The following LARS2 variants were observed in gnomAD, a reference collection of about 807,000 sequenced individuals.
LARS2 encodes leucine--tRNA ligase, mitochondrial.
A neutral mutation model predicts 116.6 loss-of-function variants in LARS2; 81 were observed. That is an observed-to-expected ratio of 0.69 (90% CI 0.58 to 0.84). The LOEUF (loss-of-function observed/expected upper bound fraction) is 0.84. LARS2 is among the 40% of genes least tolerant of loss of function. The probability of loss-of-function intolerance (pLI) is 0.00; values close to 1 mark genes in which losing one functional copy is unlikely to be tolerated. For synonymous variants in LARS2, 396 were observed against 407.2 expected (o/e 0.97, Z 0.33); for missense variants, 968 against 1,114.5 (o/e 0.87, Z 1.87).
At chr3:45,480,981 G>A (rs1699689348) in intron 10 of LARS2, among the ~76,000 whole-genome samples, 1 of 152,096 alleles carries the variant, frequency 6.6e-6, no homozygotes, top group African/African-American at 2.4e-5. Context: ...CATCCCCACA[G>A]TCAATTTTAG....
At chr3:45,498,195 G>C (rs1259195243) in intron 14 of LARS2, among the ~76,000 whole-genome samples, 1 of 152,218 alleles carries the variant, frequency 6.6e-6, no homozygotes, top group South Asian at 2.1e-4. Context: ...TACCGTGGCG[G>C]GAGAGACATC....
chr3:45,448,716 C>T (rs971133569), intron 7 of LARS2, among the ~76,000 whole-genome samples: 3 of 152,264 alleles, frequency 2.0e-5, no homozygotes, highest in Non-Finnish European at 2.9e-5. Flanking sequence ...TTAACTGCAG[C>T]AGGAGCATGT....
intron 7 of LARS2, among the ~76,000 whole-genome samples, chr3:45,454,435 AAACT>A (rs147521487): frequency 0.57 from 86,565 of 151,666 alleles, 27,976 homozygotes; most frequent in East Asian, 0.7. Flanking sequence ...ATAAGTGGGG[AAACT>A]AACTACCTTC....
chr3:45,402,812 A>G (rs1405641583), intron 4 of LARS2, among the ~76,000 whole-genome samples: 1 of 152,136 alleles, frequency 6.6e-6, no homozygotes, highest in Admixed American at 6.5e-5. Context: ...TTTATTAGAA[A>G]GAGGTGGGAC....
intron 6 of LARS2, among the ~76,000 whole-genome samples, chr3:45,435,185 C>T (rs1054012923): frequency 2.6e-5 from 4 of 152,160 alleles, no homozygotes; most frequent in Non-Finnish European, 4.4e-5. Context: ...CCTCTCCATT[C>T]GACCTCCTCT....
At chr3:45,523,757 A>T (rs889008594) in intron 19 of LARS2, among the ~76,000 whole-genome samples, 1 of 151,528 alleles carries the variant, frequency 6.6e-6, no homozygotes, top group African/African-American at 2.4e-5. Context: ...GGCTGGTCTC[A>T]AATTCTTGGC....
In LARS2 at chr3:45,482,470, T is replaced by G. The variant is rs149267127; in HGVS notation, c.1019-3222T>G. ...TGGTTTCTGAGAGGGCTATATAGAG[T>G]GCCATATCCAATGATGTATGCATTT... On this transcript the variant is annotated intron_variant, in intron 10 of 21. Coordinates refer to ENST00000645846, the MANE Select transcript of LARS2 (RefSeq NM_015340.4). Among the ~76,000 whole-genome samples, 718 of 152,312 alleles carry G rather than the reference T, an allele frequency of 4.7e-3. 3 individuals are homozygous for G. Among genetic ancestry groups the G allele is most frequent in the Admixed American group, 8.2e-3 (125 of 15,296 alleles).
At chr3:45,436,776 G>C (rs535461356) in intron 6 of LARS2, among the ~76,000 whole-genome samples, 3 of 148,950 alleles carry the variant, frequency 2.0e-5, no homozygotes, top group East Asian at 2.0e-4. Flanking sequence ...AGTCCGGCCT[G>C]GGCGACAGAG....
chr3:45,522,894 A>T lies in LARS2; in HGVS notation c.2293-1103A>T, dbSNP rs1255833829. Among the ~76,000 whole-genome samples the T allele has an allele frequency of 5.9e-4, 4 of 6,778 alleles. No homozygotes were observed. The Non-Finnish European group carries it at 0.088, about 150-fold the overall frequency. 4.4% of individuals were successfully genotyped at this position (6,778 alleles called of 152,430 possible). On this transcript the variant is annotated intron_variant, in intron 19 of 21. Transcript: ENST00000645846. Reference sequence around the variant, plus strand: ...TAGTGAGATACCCCATCTCTATTTAAAAAAAAAATTAATTTTTAAAATTAA... The same window carrying T: ...TAGTGAGATACCCCATCTCTATTTATAAAAAAAATTAATTTTTAAAATTAA...
At chr3:45,529,506 G>A (rs1264250484) in intron 20 of LARS2, among the ~76,000 whole-genome samples, 9 of 148,772 alleles carry the variant, frequency 6.0e-5, no homozygotes, top group Admixed American at 4.7e-4. Flanking sequence ...CTGAGATTGC[G>A]CCATTGCACT....
At chr3:45,390,605 C>T (rs1335969048) in intron 1 of LARS2, among the ~76,000 whole-genome samples, 1 of 151,018 alleles carries the variant, frequency 6.6e-6, no homozygotes, top group Non-Finnish European at 1.5e-5. Flanking sequence ...AGCCACCAGA[C>T]CGGGCCTTCT....
At chr3:45,423,341 C>G (rs750066480) in intron 6 of LARS2, among the ~76,000 whole-genome samples, 31 of 152,212 alleles carry the variant, frequency 2.0e-4, no homozygotes, top group South Asian at 6.2e-4. Flanking sequence ...TAGACAGGGT[C>G]TTACTCTGTC....
intron 15 of LARS2, among the ~76,000 whole-genome samples, chr3:45,502,941 T>C (rs1419400768): frequency 1.3e-5 from 2 of 152,072 alleles, no homozygotes; most frequent in African/African-American, 4.8e-5. Flanking sequence ...TTATCTAATG[T>C]CATTATGGGT....
intron 6 of LARS2, among the ~76,000 whole-genome samples, chr3:45,434,783 C>G (rs1489522975): frequency 1.3e-5 from 2 of 152,082 alleles, no homozygotes; most frequent in Non-Finnish European, 2.9e-5. Context: ...GATATGGAGT[C>G]CGGGATCTCC....
At chr3:45,530,376 T>C (rs1360308154) in intron 20 of LARS2, among the ~76,000 whole-genome samples, 3 of 152,140 alleles carry the variant, frequency 2.0e-5, no homozygotes, top group African/African-American at 4.8e-5. Context: ...AAAAATTAGC[T>C]GGGCATGGTG....
chr3:45,528,074 C>T (rs1041272415), intron 20 of LARS2, among the ~76,000 whole-genome samples: 2 of 152,304 alleles, frequency 1.3e-5, no homozygotes, highest in South Asian at 2.1e-4. Flanking sequence ...CAGTGGCTCA[C>T]GCTTGTAATC....
At chr3:45,443,155 C>T (rs1698942826) in intron 6 of LARS2, among the ~76,000 whole-genome samples, 1 of 152,166 alleles carries the variant, frequency 6.6e-6, no homozygotes, top group South Asian at 2.1e-4. Context: ...GAAGAAAGGA[C>T]TATTAACATC....
chr3:45,462,429 A>T (rs2062130), intron 8 of LARS2, among the ~76,000 whole-genome samples: 1 of 144,910 alleles, frequency 6.9e-6, no homozygotes, highest in African/African-American at 2.7e-5. Flanking sequence ...CAAAAAAAAA[A>T]AAAGAAAGAA....
Position 45,516,173 on chromosome 3 carries a change from G to T in LARS2, c.1941G>T (p.Gly647=), listed in dbSNP as rs1700366953. The T allele has an allele frequency of 6.2e-7, 1 of 1,614,020 alleles. No homozygotes were observed. Among genetic ancestry groups the T allele is most frequent in the African/African-American group, 1.3e-5 (1 of 74,914 alleles). Residue 647 remains glycine (G), a synonymous_variant, in exon 17 of 22, where the codon GGG becomes GGT. Transcript: ENST00000645846. The stretch of plus-strand genomic sequence containing the variant: ...AGATGAGTAAGTCCAAACACAACGG[G>T]GTGGACCCAGAGGAAGTTGTGGAGC... ...WEKMSKSKHN[G]VDPEEVVEQY... is the part of the protein sequence containing the mutation.
Sources: gnomAD v4.1 joint callset for allele counts (sites outside exome capture counted in the v4.1 genomes callset) on GRCh38, gnomAD v4.1.1 for gene constraint, MANE v1.5 for transcripts, NCBI Gene and HGNC (gene_info 2026-07-23, HGNC 2026-07-21) for gene names.